The following CPA6 variants were observed in gnomAD, a reference collection of about 807,000 sequenced individuals.
The protein encoded by CPA6 is carboxypeptidase B.
Under a neutral mutation model 63.3 loss-of-function variants are expected in CPA6, and 58 were observed. The observed-to-expected ratio is 0.92, with a 90% CI of 0.74 to 1.14. CPA6 has a LOEUF of 1.14. Ranked by LOEUF, CPA6 falls within the 50% of genes most tolerant of loss-of-function variation. The probability of loss-of-function intolerance (pLI) is 0.00; values close to 1 mark genes in which losing one functional copy is unlikely to be tolerated. For missense variants in CPA6, 565 were observed against 526.6 expected, an observed-to-expected ratio of 1.07 and a Z score of -0.71; for synonymous variants, 185 against 179.0, an observed-to-expected ratio of 1.03 and a Z score of -0.27.
chr8:67,740,142 T>C (rs978717653), intron 1 of CPA6, among the ~76,000 whole-genome samples: 3 of 152,146 alleles, frequency 2.0e-5, no homozygotes, highest in Admixed American at 1.3e-4. Context: ...CCTTCTCAGT[T>C]GGGAAGGAGG....
At position 67,437,775 on chromosome 8, in the gene CPA6, T is replaced by C. The variant is rs1272670303; in HGVS notation, c.839-3535A>G. On this transcript the variant is annotated intron_variant, in intron 8 of 10. Coordinates refer to ENST00000297770, the MANE Select transcript of CPA6 (RefSeq NM_020361.5). Reference sequence around the variant, plus strand: ...AGAAGGCATGGGGAAGAGTAAAGAATAGGAAAAATGACAGAAAAATGAAAG... The same window carrying C: ...AGAAGGCATGGGGAAGAGTAAAGAACAGGAAAAATGACAGAAAAATGAAAG... 6.0e-5 allele frequency among the ~76,000 whole-genome samples: 9 copies of C among 151,092 alleles called. No homozygotes were observed. In the East Asian group the frequency reaches 1.7e-3, roughly 29 times the overall value.
chr8:67,555,008 C>G (rs1205853953), intron 2 of CPA6, among the ~76,000 whole-genome samples: 1 of 152,158 alleles, frequency 6.6e-6, no homozygotes, highest in African/African-American at 2.4e-5. Flanking sequence ...CAGAAGAGGG[C>G]TGGGCTCAGT....
At chr8:67,663,820 C>G (rs1347621324) in intron 1 of CPA6, among the ~76,000 whole-genome samples, 2 of 152,130 alleles carry the variant, frequency 1.3e-5, no homozygotes, top group East Asian at 3.9e-4. Context: ...TGTGAATAGG[C>G]AAGCACAAAT....
chr8:67,429,854 A>C (rs1365009556), intron 9 of CPA6, among the ~76,000 whole-genome samples: 1 of 152,178 alleles, frequency 6.6e-6, no homozygotes, highest in Non-Finnish European at 1.5e-5. Context: ...GCCTATTTAC[A>C]CAAAGGAGAT....
At position 67,711,720 on chromosome 8, in the gene CPA6, C is replaced by CACACACACACACACACACACACACACAT. The variant is rs764510531; in HGVS notation, c.116+34293_116+34294insATGTGTGTGTGTGTGTGTGTGTGTGTGT. ...ACACACACACACACACACACACACA[C>CACACACACACACACACACACACACACAT]ACATCTGAAAGATGGAGGGGCACCT... On this transcript the variant is annotated intron_variant, in intron 1 of 10. Coordinates refer to ENST00000297770, the MANE Select transcript of CPA6 (RefSeq NM_020361.5). 1.3e-5 allele frequency among the ~76,000 whole-genome samples: 2 copies of CACACACACACACACACACACACACACAT among 151,036 alleles called. 1 individual carries two copies. The highest frequency in any genetic ancestry group is 4.9e-5 in the African/African-American group (2 of 40,708).
At chr8:67,587,844 C>G (rs1813988385) in intron 2 of CPA6, among the ~76,000 whole-genome samples, 1 of 152,166 alleles carries the variant, frequency 6.6e-6, no homozygotes, top group Non-Finnish European at 1.5e-5. Flanking sequence ...GCGATTGAAG[C>G]TGTGGGAAGA....
At chr8:67,612,631 G>C (rs1433781287) in intron 2 of CPA6, among the ~76,000 whole-genome samples, 1 of 152,152 alleles carries the variant, frequency 6.6e-6, no homozygotes, top group Non-Finnish European at 1.5e-5. Flanking sequence ...ACATCTAAGA[G>C]ATGTATTTGT....
At chr8:67,558,324 T>A (rs1382295507) in intron 2 of CPA6, among the ~76,000 whole-genome samples, 1 of 152,206 alleles carries the variant, frequency 6.6e-6, no homozygotes, top group Admixed American at 6.5e-5. Context: ...TCGTAGCCTT[T>A]ATCACCATCT....
chr8:67,558,442 A>G (rs1361492036), intron 2 of CPA6, among the ~76,000 whole-genome samples: 2 of 152,198 alleles, frequency 1.3e-5, no homozygotes, highest in Admixed American at 1.3e-4. Flanking sequence ...CTCTTTAAGT[A>G]TTTATTGAAC....
chr8:67,461,111 G>A (rs1368331528), intron 8 of CPA6, among the ~76,000 whole-genome samples: 5 of 148,308 alleles, frequency 3.4e-5, no homozygotes, highest in African/African-American at 5.0e-5. Flanking sequence ...TCTCGCAGAG[G>A]GGGATTTGGC....
chr8:67,693,358 C>T (rs1816850972), intron 1 of CPA6, among the ~76,000 whole-genome samples: 1 of 152,218 alleles, frequency 6.6e-6, no homozygotes, highest in Admixed American at 6.5e-5. Flanking sequence ...AGGGCACTCA[C>T]AGGATGTGGA....
At chr8:67,673,530 C>T (rs1399596213) in intron 1 of CPA6, among the ~76,000 whole-genome samples, 1 of 150,038 alleles carries the variant, frequency 6.7e-6, no homozygotes, top group African/African-American at 2.5e-5. Flanking sequence ...ACTACAGGTG[C>T]CCGCCACCAC....
intron 1 of CPA6, among the ~76,000 whole-genome samples, chr8:67,731,095 C>T (rs918834225): frequency 8.5e-5 from 13 of 152,230 alleles, no homozygotes; most frequent in East Asian, 1.9e-4. Context: ...TTTGAATTGG[C>T]GATAATTCTA....
chr8:67,506,972 C>A (rs1811943244), intron 5 of CPA6, 84 bp from the exon 6 acceptor site: 1 of 994,012 alleles, frequency 1.0e-6, no homozygotes, highest in African/African-American at 1.6e-5. Context: ...CAGCATAATT[C>A]TTCACTGTAG....
intron 8 of CPA6, among the ~76,000 whole-genome samples, chr8:67,477,221 C>T (rs912041680): frequency 1.5e-5 from 2 of 130,098 alleles, no homozygotes; most frequent in African/African-American, 2.9e-5. Flanking sequence ...ACCTGGGAGG[C>T]GGAGCTTGCA....
At chr8:67,559,885 A>ACG (rs1302028005) in intron 2 of CPA6, among the ~76,000 whole-genome samples, 1 of 150,932 alleles carries the variant, frequency 6.6e-6, no homozygotes, top group Non-Finnish European at 1.5e-5. Flanking sequence ...ACACACACAC[A>ACG]CACATATATA....
chr8:67,743,372 T>TG (rs1298265119), intron 1 of CPA6, among the ~76,000 whole-genome samples: 1 of 152,178 alleles, frequency 6.6e-6, no homozygotes, highest in Non-Finnish European at 1.5e-5. Flanking sequence ...TATATATTTA[T>TG]GGGGTACATG....
chr8:67,633,986 C>T (rs1281778500), intron 1 of CPA6, among the ~76,000 whole-genome samples: 6 of 151,852 alleles, frequency 4.0e-5, no homozygotes, highest in Admixed American at 6.6e-5. Context: ...AATTGTTTCC[C>T]CTTGAAGTTC....
At chr8:67,668,983 G>T (rs1005275635) in intron 1 of CPA6, among the ~76,000 whole-genome samples, 1 of 152,180 alleles carries the variant, frequency 6.6e-6, no homozygotes, top group Non-Finnish European at 1.5e-5. Context: ...AGCTGCAGGT[G>T]AGGGAAGTCA....
Sources: gnomAD v4.1 joint callset for allele counts (sites outside exome capture counted in the v4.1 genomes callset) on GRCh38, gnomAD v4.1.1 for gene constraint, MANE v1.5 for transcripts, NCBI Gene and HGNC (gene_info 2026-07-23, HGNC 2026-07-21) for gene names.